The following CKAP5 variants were observed in gnomAD, a reference collection of about 807,000 sequenced individuals.
The protein encoded by CKAP5 is cytoskeleton-associated protein 5.
A neutral mutation model predicts 232.8 loss-of-function variants in CKAP5; 27 were observed. That is an observed-to-expected ratio of 0.12 (90% CI 0.09 to 0.16). CKAP5 has a LOEUF of 0.16. Among genes scored for constraint, CKAP5 ranks in the 10% least tolerant of loss-of-function variants. The pLI is 1.00. For missense variants in CKAP5, 1,838 were observed against 2,424.7 expected (o/e 0.76, Z 5.08); for synonymous variants, 785 against 841.1 (o/e 0.93, Z 1.16).
intron 1 of CKAP5, among the ~76,000 whole-genome samples, chr11:46,831,525 G>T (rs1939792127): frequency 6.6e-6 from 1 of 152,054 alleles, no homozygotes; most frequent in African/African-American, 2.4e-5. Context: ...AGTCACAGAA[G>T]TCTTTCTGTT....
At chr11:46,821,520 G>A (rs1182452077) in intron 1 of CKAP5, among the ~76,000 whole-genome samples, 1 of 150,318 alleles carries the variant, frequency 6.7e-6, no homozygotes, top group African/African-American at 2.5e-5. Flanking sequence ...CACCTCCTGG[G>A]CTGACGCCAT....
chr11:46,774,231 GACAA>G (rs1200602949), intron 24 of CKAP5, among the ~76,000 whole-genome samples: 2 of 152,080 alleles, frequency 1.3e-5, no homozygotes, highest in African/African-American at 2.4e-5. Flanking sequence ...ACCAATAATG[GACAA>G]ACAGAGAGCC....
At chr11:46,839,325 T>C (rs180958933) in intron 1 of CKAP5, among the ~76,000 whole-genome samples, 11 of 152,298 alleles carry the variant, frequency 7.2e-5, no homozygotes, top group Admixed American at 4.6e-4. Context: ...AAGCGTAATG[T>C]GTTGGAGTTA....
At chr11:46,803,837 CTA>C (rs901823622) in intron 8 of CKAP5, among the ~76,000 whole-genome samples, 3 of 152,150 alleles carry the variant, frequency 2.0e-5, no homozygotes, top group African/African-American at 7.2e-5. Flanking sequence ...ATTGAAATCA[CTA>C]TTGGTATTTA....
At chr11:46,821,729 AT>A (rs796808777) in intron 1 of CKAP5, among the ~76,000 whole-genome samples, 11 of 149,686 alleles carry the variant, frequency 7.3e-5, no homozygotes, top group South Asian at 4.3e-4. Context: ...GGCCAATAGA[AT>A]TTTTTTTTTA....
At chr11:46,821,081 C>A in intron 2 of CKAP5, 94 bp downstream of exon 2, 1 of 779,114 alleles carries the variant, frequency 1.3e-6, no homozygotes, top group Non-Finnish European at 2.0e-6. Context: ...TTTGAAACTG[C>A]CAATGTTTTC....
chr11:46,772,033 CTTT>C (rs57706275), intron 24 of CKAP5, among the ~76,000 whole-genome samples: 417 of 142,090 alleles, frequency 2.9e-3, no homozygotes, highest in East Asian at 4.1e-3. Context: ...CACTGAGCAT[CTTT>C]TTTTTTTTTT....
chr11:46,841,989 C>T (rs985863928), intron 1 of CKAP5, among the ~76,000 whole-genome samples: 57 of 83,966 alleles, frequency 6.8e-4, no homozygotes, highest in South Asian at 5.5e-3. Context: ...AAGAGTAAGA[C>T]TTTGGTTCAA....
chr11:46,778,818 T>C (rs964828647), intron 20 of CKAP5, among the ~76,000 whole-genome samples: 3 of 152,222 alleles, frequency 2.0e-5, no homozygotes, highest in African/African-American at 4.8e-5. Flanking sequence ...CTCACACTTA[T>C]AATCCCAGTA....
chr11:46,822,335 GAACTTCTTAGATATA>G (rs889922500), intron 1 of CKAP5, among the ~76,000 whole-genome samples: 11 of 152,032 alleles, frequency 7.2e-5, no homozygotes, highest in Admixed American at 6.6e-4. Context: ...TCCCAAATAA[GAACTTCTTAGATATA>G]AAACGAAGCT....
At chr11:46,830,378 T>C (rs1431318790) in intron 1 of CKAP5, among the ~76,000 whole-genome samples, 1 of 144,664 alleles carries the variant, frequency 6.9e-6, no homozygotes, top group Non-Finnish European at 1.5e-5. Context: ...GAGGCAGAGC[T>C]TGCAGTGAGC....
chr11:46,844,622 A>G (rs925111111), intron 1 of CKAP5, among the ~76,000 whole-genome samples: 4 of 152,220 alleles, frequency 2.6e-5, no homozygotes, highest in African/African-American at 9.6e-5. Flanking sequence ...CCATTGCCTC[A>G]GTGAACAGCC....
intron 24 of CKAP5, 58 bp from the exon 25 acceptor site, chr11:46,771,040 G>A (rs1220163542): frequency 2.1e-6 from 3 of 1,439,066 alleles, no homozygotes; most frequent in Admixed American, 2.0e-5. Flanking sequence ...TATCATTTAT[G>A]ATCTCAGGCT....
intron 2 of CKAP5, chr11:46,820,742 A>G (rs1182309380): frequency 6.5e-6 from 1 of 152,708 alleles, no homozygotes; most frequent in East Asian, 1.9e-4. Flanking sequence ...AGATTGGTAG[A>G]TTCTGAGGGT....
intron 1 of CKAP5, among the ~76,000 whole-genome samples, chr11:46,835,569 T>C (rs919041193): frequency 6.6e-6 from 1 of 152,108 alleles, no homozygotes; most frequent in Non-Finnish European, 1.5e-5. Context: ...CTGGAATTAT[T>C]CGACGGAAAA....
chr11:46,762,281 A>G (rs1165427730), intron 31 of CKAP5, 88 bp from the exon 32 acceptor site: 17 of 1,355,600 alleles, frequency 1.3e-5, no homozygotes, highest in Non-Finnish European at 1.8e-5. Flanking sequence ...CTTGGCATAT[A>G]TGAAGGACTA....
intron 1 of CKAP5, among the ~76,000 whole-genome samples, chr11:46,833,983 C>T (rs1258785153): frequency 2.0e-5 from 3 of 152,122 alleles, no homozygotes; most frequent in Non-Finnish European, 4.4e-5. Flanking sequence ...GATTTTCCTG[C>T]CTCAGCCTCC....
chr11:46,839,898 G>C (rs186107372), intron 1 of CKAP5, among the ~76,000 whole-genome samples: 15 of 152,234 alleles, frequency 9.9e-5, no homozygotes, highest in African/African-American at 3.4e-4. Flanking sequence ...CAGCAATTTG[G>C]GAGGGTAAGG....
chr11:46,779,402 G>T (rs2065319502), intron 20 of CKAP5, among the ~76,000 whole-genome samples: 1 of 152,134 alleles, frequency 6.6e-6, no homozygotes, highest in South Asian at 2.1e-4. Flanking sequence ...CAAAGTGATG[G>T]GATTACAGGC....
Sources: allele counts gnomAD v4.1 joint callset (sites outside exome capture counted in the v4.1 genomes callset), GRCh38; gene constraint gnomAD v4.1.1; transcripts MANE v1.5; gene names NCBI Gene and HGNC (gene_info 2026-07-23, HGNC 2026-07-21).